Variants in CRB2 observed in about 807,000 individuals in gnomAD.
CRB2 encodes the protein crumbs cell polarity complex component 2.
Under a neutral mutation model 110.9 loss-of-function variants are expected in CRB2, and 85 were observed. The observed-to-expected ratio is 0.77, with a 90% CI of 0.64 to 0.92. CRB2 has a LOEUF of 0.92. Ranked by LOEUF, CRB2 falls within the 40% of genes least tolerant of loss-of-function variation. CRB2 has a pLI of 0.00. For synonymous variants in CRB2, 907 were observed against 831.0 expected, an observed-to-expected ratio of 1.09 and a Z score of -1.57; for missense variants, 1,843 against 1,851.3, an observed-to-expected ratio of 1.00 and a Z score of 0.08.
At position 123,374,199 on chromosome 9, in the gene CRB2, G is replaced by T. The variant is rs1435155184; in HGVS notation, c.3389+279G>T. ...GTTCATCCCTATTGGTGGCTGGTTG[G>T]GGTGGAGGGAGGGGGTCAGGCTTTG... On this transcript the variant is annotated intron_variant, in intron 10 of 12. Coordinates refer to ENST00000373631, the MANE Select transcript of CRB2 (RefSeq NM_173689.7). 2.6e-5 allele frequency: 16 copies of T among 608,012 alleles called. No individual in the cohort carries two copies. In the South Asian group the frequency reaches 2.9e-4, roughly 11 times the overall value. The allele number at this position is 608,012 out of a possible 1,614,324, so 37.7% of individuals were successfully genotyped here. A position where few individuals can be genotyped will look rare whatever the true frequency, so the allele number is the denominator to read the frequency against.
At position 123,371,243 on chromosome 9, in the gene CRB2, A is replaced by T. The variant is rs1425783416; in HGVS notation, c.2101A>T (p.Ser701Cys). ...CGCAGCTGGCCTAACAGTATTCCTG[A>T]GTGAGGGTCGGATCCGGGCTGAGGT... is the stretch of plus-strand genomic sequence containing the variant. ...DSAAGLTVFLSEGRIRAEVPG... is the reference protein window; with the variant it reads ...DSAAGLTVFLCEGRIRAEVPG... Residue 701 changes from serine to cysteine, a missense_variant, in exon 8 of 13, where the codon AGT becomes TGT. Coordinates refer to ENST00000373631, the MANE Select transcript of CRB2 (RefSeq NM_173689.7). The T allele has an allele frequency of 3.7e-6, 6 of 1,613,780 alleles. No individual in the cohort carries two copies. The highest frequency in any genetic ancestry group is 5.1e-6 in the Non-Finnish European group (6 of 1,180,036).
chr9:123,356,996 G>A (rs760939111), intron 1 of CRB2, among the ~76,000 whole-genome samples: 158 of 152,080 alleles, frequency 1.0e-3, no homozygotes, highest in Non-Finnish European at 1.6e-3. Context: ...GTGGAGAAGC[G>A]TGAGGGAGAC....
Position 123,373,675 on chromosome 9 carries a change from G to A in CRB2, c.3144G>A (p.Pro1048=), listed in dbSNP as rs768468707. Residue 1048 remains proline (P), a synonymous_variant, in exon 10 of 13, where the codon CCG becomes CCA. Coordinates refer to ENST00000373631, the MANE Select transcript of CRB2 (RefSeq NM_173689.7). ...ACTTCGCGTCTTGGCCTGGGACGCCGGCCCCGATCCTCGGCTGCCGCGGCG... is the reference window on the plus strand; with the variant it reads ...ACTTCGCGTCTTGGCCTGGGACGCCAGCCCCGATCCTCGGCTGCCGCGGCG... ...REHFASWPGT[P]APILGCRGAP... is the part of the protein sequence containing the mutation. 57 of 1,452,108 alleles carry A rather than the reference G, an allele frequency of 3.9e-5. 1 individual carries two copies. The highest frequency in any genetic ancestry group is 8.2e-5 in the Admixed American group (3 of 36,466). The allele number at this position is 1,452,108 out of a possible 1,614,324, so 90.0% of individuals were successfully genotyped here.
At chr9:123,372,130 A>G in intron 8 of CRB2, 47 bp from the exon 9 acceptor site, 1 of 1,590,062 alleles carries the variant, frequency 6.3e-7, no homozygotes, top group Non-Finnish European at 8.6e-7. Context: ...ATGGTGGGTG[A>G]TGCTCACTGC....
chr9:123,367,441 CCCCCACCCCA>C (rs1173339080), intron 5 of CRB2, 84 bp downstream of exon 5: 1 of 1,010,672 alleles, frequency 9.9e-7, no homozygotes, highest in East Asian at 3.3e-5. Flanking sequence ...CCCCCCCACC[CCCCCACCCCA>C]CACCCCACAC....
chr9:123,373,697 GGC>G lies in CRB2; in HGVS notation c.3171_3172del (p.Pro1058ArgfsTer15). ...GCCGGCCCCGATCCTCGGCTGCCGC[GGC>G]GCGCCCGTGTGTGCGCCCTCGCCCT... ...GTPAPILGCR[G>X]APVCAPSPCL... is the part of the protein sequence containing the mutation. On this transcript the variant is annotated frameshift_variant, in exon 10 of 13. Coordinates refer to ENST00000373631, the MANE Select transcript of CRB2 (RefSeq NM_173689.7). LOFTEE classifies it high-confidence loss of function. The G allele has an allele frequency of 6.7e-7, 1 of 1,488,492 alleles. No homozygotes were observed. Among genetic ancestry groups the G allele is most frequent in the Non-Finnish European group, 8.8e-7 (1 of 1,130,852 alleles). The allele number at this position is 1,488,492 out of a possible 1,614,324, so 92.2% of individuals were successfully genotyped here.
In CRB2 at chr9:123,373,865, C is replaced by CCCGACGGCCGCTTCG. The variant is rs2042060796; in HGVS notation, c.3335_3349dup (p.Phe1116_Glu1117insAlaAspGlyArgPhe). 6.4e-7 allele frequency: 1 copy of CCCGACGGCCGCTTCG among 1,553,238 alleles called. No homozygotes were observed. The highest frequency in any genetic ancestry group is 8.7e-7 in the Non-Finnish European group (1 of 1,153,752). On this transcript the variant is annotated inframe_insertion, in exon 10 of 13. Coordinates refer to ENST00000373631, the MANE Select transcript of CRB2 (RefSeq NM_173689.7). ...CGCCCGTGGCCGCTGTCACACGCACCCCGACGGCCGCTTCGAGTGCCGCTG... is the reference window on the plus strand; with the variant it reads ...CGCCCGTGGCCGCTGTCACACGCACCCCGACGGCCGCTTCGCCGACGGCCGCTTCGAGTGCCGCTG...
chr9:123,376,534 T>C (rs950175501), intron 12 of CRB2, among the ~76,000 whole-genome samples: 1 of 151,940 alleles, frequency 6.6e-6, no homozygotes, highest in Admixed American at 6.6e-5. Context: ...GAGACCCTCG[T>C]AGGCTTCTGT....
chr9:123,363,335 G>C, intron 2 of CRB2, 147 bp downstream of exon 2: 1 of 847,194 alleles, frequency 1.2e-6, no homozygotes, highest in Non-Finnish European at 1.8e-6. Flanking sequence ...CACTTGGTCT[G>C]ACTACAGAAC....
At chr9:123,374,744 G>A (rs1288973839) in intron 11 of CRB2, 49 bp downstream of exon 11, 7 of 1,377,818 alleles carry the variant, frequency 5.1e-6, no homozygotes, top group Non-Finnish European at 7.1e-6. Context: ...GAATGTGGAG[G>A]GCTGTTCCTC....
chr9:123,354,192 C>G (rs1327776258), upstream of CRB2, among the ~76,000 whole-genome samples: 1 of 152,258 alleles, frequency 6.6e-6, no homozygotes, highest in African/African-American at 2.4e-5. Flanking sequence ...GGGAGCCCCC[C>G]TCCATACCCT....
At chr9:123,367,745 G>A (rs967386214) in intron 6 of CRB2, 59 bp downstream of exon 6, 2 of 1,142,682 alleles carry the variant, frequency 1.8e-6, no homozygotes, top group African/African-American at 1.5e-5. Flanking sequence ...AGGTGAGAAG[G>A]TCCCTTCTGT....
intron 9 of CRB2, 74 bp downstream of exon 9, chr9:123,372,416 C>G (rs2042030260): frequency 6.6e-7 from 1 of 1,509,648 alleles, no homozygotes; most frequent in Non-Finnish European, 8.9e-7. Context: ...TCTGCACTCT[C>G]AGGGCTTGTA....
In CRB2 at chr9:123,370,938, T is replaced by G; in HGVS notation, c.1885T>G (p.Cys629Gly). 1.9e-6 allele frequency: 3 copies of G among 1,608,098 alleles called. No homozygotes were observed. Among genetic ancestry groups the G allele is most frequent in the Non-Finnish European group, 2.5e-6 (3 of 1,176,876 alleles). ...SCVDLWTHFRCDCARPHRGPT... is the reference protein window; with the variant it reads ...SCVDLWTHFRGDCARPHRGPT... ...TGTGGATCTGTGGACTCATTTCCGT[T>G]GCGACTGTGCCCGGCCCCATAGAGG... Residue 629 changes from cysteine to glycine, a missense_variant, in exon 7 of 13, where the codon TGC becomes GGC. Physicochemically the swap from Cys to Gly is radical, Grantham distance 159 (BLOSUM62 -3). Transcript: ENST00000373631.
Position 123,370,384 on chromosome 9 carries a change from T to C in CRB2, c.1331T>C (p.Met444Thr), listed in dbSNP as rs775605972. The C allele has an allele frequency of 1.4e-5, 23 of 1,613,780 alleles. No homozygotes were observed. The highest frequency in any genetic ancestry group is 1.0e-4 in the Admixed American group (6 of 60,018). The change falls in exon 7 of 13, where the codon ATG becomes ACG. Residue 444 changes from methionine to threonine, a missense_variant. Coordinates refer to ENST00000373631, the MANE Select transcript of CRB2 (RefSeq NM_173689.7). ...GGCCAGAATACCACCTTCTCTGTGA[T>C]GGCTGGGAGCCCCATTCAGGCATCA... ...FCGQNTTFSV[M>T]AGSPIQASVP...
chr9:123,355,729 G>A (rs566173470), upstream of CRB2, among the ~76,000 whole-genome samples: 13 of 151,000 alleles, frequency 8.6e-5, no homozygotes, highest in Admixed American at 4.6e-4. Context: ...AGCAGCAGGT[G>A]GGGGGACGAG....
At chr9:123,356,422 C>A in intron 1 of CRB2, 68 bp downstream of exon 1, 1 of 1,297,404 alleles carries the variant, frequency 7.7e-7, no homozygotes, top group Non-Finnish European at 1.0e-6. Flanking sequence ...TACCCCAAGC[C>A]TTGGCTGCTG....
intron 5 of CRB2, 94 bp downstream of exon 5, chr9:123,367,451 ACACCC>A: frequency 7.5e-6 from 1 of 133,446 alleles, no homozygotes. Flanking sequence ...CCCCCACCCC[ACACCC>A]CACACCCGAG....
At chr9:123,360,399 C>A (rs1273072980) in intron 1 of CRB2, among the ~76,000 whole-genome samples, 1 of 152,216 alleles carries the variant, frequency 6.6e-6, no homozygotes, top group African/African-American at 2.4e-5. Context: ...GGCCCCGCCC[C>A]TCCAGCCTGG....
Sources: gnomAD v4.1 joint callset for allele counts (sites outside exome capture counted in the v4.1 genomes callset) on GRCh38, gnomAD v4.1.1 for gene constraint, MANE v1.5 for transcripts, NCBI Gene and HGNC (gene_info 2026-07-23, HGNC 2026-07-21) for gene names.